Variants in CENPP observed in about 807,000 individuals in gnomAD.
CENPP encodes centromere protein P.
A neutral mutation model predicts 35.6 loss-of-function variants in CENPP; 24 were observed. The ratio of observed to expected loss-of-function variants is 0.67; its 90% CI spans 0.49 to 0.95. CENPP has a LOEUF of 0.95. Ranked by LOEUF, CENPP falls within the 40% of genes least tolerant of loss-of-function variation. The pLI is 0.00. For missense variants in CENPP, 332 were observed against 345.3 expected, an observed-to-expected ratio of 0.96 and a Z score of 0.31; for synonymous variants, 120 against 125.5, an observed-to-expected ratio of 0.96 and a Z score of 0.29.
At chr9:92,415,295 G>T (rs564277730) in intron 5 of CENPP, 1 of 1,613,648 alleles carries the variant, frequency 6.2e-7, no homozygotes, top group Admixed American at 1.7e-5. Flanking sequence ...TGTGTCTTTA[G>T]TTGTATTGTT....
chr9:92,388,569 G>A (rs1386273232), intron 5 of CENPP, among the ~76,000 whole-genome samples: 1 of 151,458 alleles, frequency 6.6e-6, no homozygotes, highest in East Asian at 1.9e-4. Context: ...GGCCAGGCAC[G>A]GTGGCTTACG....
intron 5 of CENPP, among the ~76,000 whole-genome samples, chr9:92,392,399 G>A (rs568188575): frequency 2.0e-4 from 30 of 152,136 alleles, no homozygotes; most frequent in African/African-American, 6.5e-4. Context: ...CGAGGCGGGC[G>A]GATCACAAGG....
In CENPP at chr9:92,325,973, G is replaced by T. The variant is rs142766418; in HGVS notation, c.-26G>T. 60,696 of 1,540,062 alleles carry T rather than the reference G, an allele frequency of 0.039. 1,454 individuals are homozygous for T. Among genetic ancestry groups the T allele is most frequent in the South Asian group, 0.072 (6,028 of 83,786 alleles). On this transcript the variant is annotated 5_prime_UTR_variant, in exon 1 of 8. Coordinates refer to ENST00000375587, the MANE Select transcript of CENPP (RefSeq NM_001012267.3). ...AGGTCGGAGTGACAGCTGCGCTGCC[G>T]GCCCGGCTGCGGTCAGCAACGCGCC... is the stretch of plus-strand genomic sequence containing the variant.
At chr9:92,406,918 C>A (rs1843322481) in intron 5 of CENPP, among the ~76,000 whole-genome samples, 1 of 152,100 alleles carries the variant, frequency 6.6e-6, no homozygotes, top group Non-Finnish European at 1.5e-5. Context: ...TCAGGAGATT[C>A]CTAGAACCAC....
Position 92,619,331 on chromosome 9 carries a change from A to G in CENPP, c.*6182A>G. 1.6e-6 allele frequency: 1 copy of G among 617,086 alleles called. No homozygotes were observed. Among genetic ancestry groups the G allele is most frequent in the South Asian group, 1.9e-5 (1 of 52,408 alleles). 38.2% of individuals were successfully genotyped at this position (617,086 alleles called of 1,614,324 possible). On this transcript the variant is annotated 3_prime_UTR_variant, in exon 8 of 8. Transcript: ENST00000375587. ...TACAAGCTTCTAGAGGGCGAGAGTT[A>G]GTAAGCCCCATGATGTCACATAGGC...
intron 4 of CENPP, among the ~76,000 whole-genome samples, chr9:92,359,436 C>T (rs1841681859): frequency 6.6e-6 from 1 of 151,914 alleles, no homozygotes; most frequent in Non-Finnish European, 1.5e-5. Context: ...CATCTCTGTG[C>T]CAGGGATTAA....
Position 92,327,835 on chromosome 9 carries a change from C to A in CENPP, c.107+1730C>A, listed in dbSNP as rs552770927. ...ATATTGTGGCAGTTAGAACATAGTT[C>A]ATTCTTTTAAAGGTAGGGGGTATGT... On this transcript the variant is annotated intron_variant, in intron 1 of 7. Coordinates refer to ENST00000375587, the MANE Select transcript of CENPP (RefSeq NM_001012267.3). 1.6e-4 allele frequency among the ~76,000 whole-genome samples: 24 copies of A among 152,236 alleles called. No homozygotes were observed. The Middle Eastern group carries it at 0.014, about 86-fold the overall frequency.
intron 5 of CENPP, chr9:92,522,487 C>T (rs2131244375): frequency 8.7e-7 from 1 of 1,149,798 alleles, no homozygotes; most frequent in Non-Finnish European, 1.2e-6. Context: ...TGGAGATGTT[C>T]TCCCTCTCTC....
chr9:92,502,804 C>CT (rs34408968), intron 5 of CENPP: 11,118 of 295,026 alleles, frequency 0.038, 58 homozygotes, highest in South Asian at 0.046. Context: ...TTTAAGTTGT[C>CT]TTTTTTTTTT....
chr9:92,584,242 A>G, intron 5 of CENPP, among the ~76,000 whole-genome samples: 1 of 152,154 alleles, frequency 6.6e-6, no homozygotes, highest in East Asian at 1.9e-4. Context: ...GGCTTTTCCC[A>G]TTTACTCTTT....
At chr9:92,335,068 A>G (rs1175814453) in intron 2 of CENPP, among the ~76,000 whole-genome samples, 1 of 146,868 alleles carries the variant, frequency 6.8e-6, no homozygotes, top group African/African-American at 2.5e-5. Context: ...TGCCTGTAGT[A>G]CCAGCTGCTC....
At chr9:92,533,328 A>AAAAATATATATATACAT (rs1554683138) in intron 5 of CENPP, among the ~76,000 whole-genome samples, 1 of 38,338 alleles carries the variant, frequency 2.6e-5, no homozygotes, top group South Asian at 1.3e-3. Flanking sequence ...AAAAAAAAAA[A>AAAAATATATATATACAT]ATATATATAT....
chr9:92,488,117 C>T (rs1316350125), intron 5 of CENPP, among the ~76,000 whole-genome samples: 1 of 152,146 alleles, frequency 6.6e-6, no homozygotes, highest in Non-Finnish European at 1.5e-5. Flanking sequence ...ATGATATTTT[C>T]AACTTACGGT....
intron 5 of CENPP, chr9:92,474,657 A>G: frequency 6.2e-7 from 1 of 1,613,872 alleles, no homozygotes; most frequent in Non-Finnish European, 8.5e-7. Context: ...CGTGAATAGC[A>G]CTGACATCCA....
chr9:92,340,302 C>CAGGAT (rs1324784722), intron 3 of CENPP: 4 of 152,190 alleles, frequency 2.6e-5, no homozygotes, highest in Non-Finnish European at 5.9e-5. Flanking sequence ...TTATACCTTC[C>CAGGAT]AGGATGGGTT....
At chr9:92,511,421 G>T (rs1301189071) in intron 5 of CENPP, among the ~76,000 whole-genome samples, 1 of 136,924 alleles carries the variant, frequency 7.3e-6, no homozygotes, top group Non-Finnish European at 1.5e-5. Context: ...CACTGTGCCT[G>T]GCCTGTTTTT....
intron 5 of CENPP, among the ~76,000 whole-genome samples, chr9:92,435,010 C>T (rs976160377): frequency 2.6e-5 from 4 of 152,140 alleles, no homozygotes; most frequent in Non-Finnish European, 4.4e-5. Context: ...CAACATCATG[C>T]CACTGCACTC....
chr9:92,571,922 T>G lies in CENPP; in HGVS notation c.565-39392T>G, dbSNP rs1323832380. Among the ~76,000 whole-genome samples, 31 of 151,696 alleles carry G rather than the reference T, an allele frequency of 2.0e-4. 1 individual carries two copies. In the East Asian group the frequency reaches 5.2e-3, roughly 26 times the overall value. On this transcript the variant is annotated intron_variant, in intron 5 of 7. Transcript: ENST00000375587. ...TGCAACTCCTCTTTTTTTTTTTTTT[T>G]TTGTTTTCCATTTGCTTGGTAGATC...
chr9:92,423,832 G>C (rs1267150946), intron 5 of CENPP, among the ~76,000 whole-genome samples: 1 of 152,124 alleles, frequency 6.6e-6, no homozygotes, highest in African/African-American at 2.4e-5. Flanking sequence ...TTGCTCAGCT[G>C]TATGCCTCAA....
Sources: allele counts gnomAD v4.1 joint callset (sites outside exome capture counted in the v4.1 genomes callset), GRCh38; gene constraint gnomAD v4.1.1; transcripts MANE v1.5; gene names NCBI Gene and HGNC (gene_info 2026-07-23, HGNC 2026-07-21).